Variants in FBN2 observed in about 807,000 individuals in gnomAD.
The protein encoded by FBN2 is fibrillin-2.
In FBN2, 105 loss-of-function variants were observed where a neutral mutation model predicts 355.6. The ratio of observed to expected loss-of-function variants is 0.30; its 90% CI spans 0.25 to 0.35. The LOEUF (loss-of-function observed/expected upper bound fraction) is 0.35, where lower values mean the gene tolerates loss of function less well. Among genes scored for constraint, FBN2 ranks in the 10% least tolerant of loss-of-function variants. The pLI, the probability that FBN2 is intolerant of heterozygous loss-of-function variation, is 1.00. For synonymous variants in FBN2, 1,350 were observed against 1,301.2 expected, an observed-to-expected ratio of 1.04 and a Z score of -0.81; for missense variants, 3,280 against 3,758.7, an observed-to-expected ratio of 0.87 and a Z score of 3.33.
rs1054561926 is a variant in FBN2, at chr5:128,332,784, T to C, written c.4222+128A>G. 10 of 949,240 alleles carry C rather than the reference T, an allele frequency of 1.1e-5. No homozygotes were observed. In the Admixed American group the frequency reaches 1.6e-4, roughly 15 times the overall value. The allele number at this position is 949,240 out of a possible 1,614,324, so 58.8% of individuals were successfully genotyped here. A position where few individuals can be genotyped will look rare whatever the true frequency, so the allele number is the denominator to read the frequency against. On this transcript the variant is annotated intron_variant, in intron 32 of 64. Coordinates refer to ENST00000262464, the MANE Select transcript of FBN2 (RefSeq NM_001999.4). Reference sequence around the variant, plus strand: ...AAAGGACACCCTTAGGCAGGAATTATCTTGCAACTAAGATAACCTTTTTAT... The same window carrying C: ...AAAGGACACCCTTAGGCAGGAATTACCTTGCAACTAAGATAACCTTTTTAT...
intron 21 of FBN2, 133 bp from the exon 22 acceptor site, chr5:128,350,138 C>T (rs1751307752): frequency 2.7e-6 from 2 of 741,950 alleles, no homozygotes; most frequent in Admixed American, 4.0e-5. Flanking sequence ...GGTCCAAGGA[C>T]ATCATTGTCC....
At chr5:128,266,298 A>C (rs1765112261) in intron 62 of FBN2, among the ~76,000 whole-genome samples, 1 of 152,222 alleles carries the variant, frequency 6.6e-6, no homozygotes, top group Non-Finnish European at 1.5e-5. Flanking sequence ...TCATTTTAGT[A>C]GAATAAGCTT....
intron 5 of FBN2, among the ~76,000 whole-genome samples, chr5:128,498,635 A>G (rs1052623438): frequency 1.3e-5 from 2 of 152,226 alleles, no homozygotes; most frequent in African/African-American, 2.4e-5. Context: ...AACTATACTT[A>G]TTTATAGCTT....
intron 46 of FBN2, among the ~76,000 whole-genome samples, chr5:128,302,473 T>G (rs972487184): frequency 6.6e-6 from 1 of 152,192 alleles, no homozygotes; most frequent in African/African-American, 2.4e-5. Flanking sequence ...TGAGGGCTTA[T>G]CTAGAAACCT....
chr5:128,478,177 G>T (rs775556348), intron 5 of FBN2, among the ~76,000 whole-genome samples: 223 of 152,146 alleles, frequency 1.5e-3, no homozygotes, highest in Non-Finnish European at 2.0e-3. Context: ...AAGTATTTTT[G>T]CAACGCTGAG....
chr5:128,315,776 C>T (rs1300830399), intron 36 of FBN2, among the ~76,000 whole-genome samples: 1 of 152,098 alleles, frequency 6.6e-6, no homozygotes, highest in Non-Finnish European at 1.5e-5. Context: ...TTCTTGTTAC[C>T]AAATATTGCG....
chr5:128,510,529 T>C (rs908995441), intron 5 of FBN2, among the ~76,000 whole-genome samples: 1 of 152,234 alleles, frequency 6.6e-6, no homozygotes, highest in African/African-American at 2.4e-5. Context: ...CTGTTCTGTG[T>C]TTTATTCTTT....
At chr5:128,267,345 G>C (rs1765143166) in intron 62 of FBN2, among the ~76,000 whole-genome samples, 1 of 152,168 alleles carries the variant, frequency 6.6e-6, no homozygotes, top group African/African-American at 2.4e-5. Flanking sequence ...CCAGTAATGG[G>C]ATTGCTGGGT....
At chr5:128,426,698 C>A (rs1349336280) in intron 7 of FBN2, among the ~76,000 whole-genome samples, 1 of 152,202 alleles carries the variant, frequency 6.6e-6, no homozygotes, top group Non-Finnish European at 1.5e-5. Flanking sequence ...CAGAAGCCCT[C>A]AGTAATGAAG....
Position 128,259,424 on chromosome 5 carries a change from G to T in FBN2, c.*31C>A. On this transcript the variant is annotated 3_prime_UTR_variant, in exon 65 of 65. Coordinates refer to ENST00000262464, the MANE Select transcript of FBN2 (RefSeq NM_001999.4). ...TGCTTCTGCAGACTGGCTGTGCTAG[G>T]ATTTGAGCCTGGGCCCAAGTCTGTG... 1.2e-6 allele frequency: 2 copies of T among 1,612,054 alleles called. No homozygotes were observed. Among genetic ancestry groups the T allele is most frequent in the Non-Finnish European group, 1.7e-6 (2 of 1,179,684 alleles).
chr5:128,330,706 C>A lies in FBN2; in HGVS notation c.4223-11G>T. The A allele has an allele frequency of 1.9e-6, 3 of 1,613,818 alleles. No individual in the cohort carries two copies. The highest frequency in any genetic ancestry group is 2.5e-6 in the Non-Finnish European group (3 of 1,179,770). ...AACATTCGTCCAGATCTGCAGAACA[C>A]AGCAATAAAGTTCAGAAATGAAAAT... On this transcript the variant is annotated splice_polypyrimidine_tract_variant and intron_variant, in intron 32 of 64. Transcript: ENST00000262464.
chr5:128,300,048 T>C (rs114780784), intron 48 of FBN2, among the ~76,000 whole-genome samples: 1,534 of 152,334 alleles, frequency 0.01, 20 homozygotes, highest in Middle Eastern at 0.048. Flanking sequence ...TTCTGCCCTA[T>C]TTAACTCCCT....
intron 45 of FBN2, among the ~76,000 whole-genome samples, chr5:128,303,429 C>A (rs1399620097): frequency 6.6e-6 from 1 of 152,122 alleles, no homozygotes. Context: ...AATACTGAAA[C>A]AATTTCTTTC....
At chr5:128,461,782 A>G (rs1754564703) in intron 6 of FBN2, among the ~76,000 whole-genome samples, 1 of 150,720 alleles carries the variant, frequency 6.6e-6, no homozygotes, top group Non-Finnish European at 1.5e-5. Flanking sequence ...GTTCTCACTC[A>G]TAAGTGAGAG....
chr5:128,288,827 C>T (rs918582720), intron 52 of FBN2, among the ~76,000 whole-genome samples: 2 of 152,206 alleles, frequency 1.3e-5, no homozygotes, highest in East Asian at 3.9e-4. Context: ...CAAGAGCAGG[C>T]ATGGAAGGGC....
At chr5:128,314,360 T>C (rs1750143503) in intron 36 of FBN2, among the ~76,000 whole-genome samples, 1 of 152,188 alleles carries the variant, frequency 6.6e-6, no homozygotes, top group South Asian at 2.1e-4. Context: ...GGAGTCTTCC[T>C]CTGTTGCCAA....
At chr5:128,468,477 C>A (rs758281229) in intron 5 of FBN2, among the ~76,000 whole-genome samples, 33 of 152,168 alleles carry the variant, frequency 2.2e-4, no homozygotes, top group Non-Finnish European at 2.5e-4. Context: ...GACAAATATA[C>A]ATTTAACTTT....
chr5:128,464,191 G>C (rs1561469576), intron 6 of FBN2, among the ~76,000 whole-genome samples: 1 of 152,174 alleles, frequency 6.6e-6, no homozygotes, highest in Non-Finnish European at 1.5e-5. Flanking sequence ...CAGTTAGGGA[G>C]TGTCAAAACC....
intron 5 of FBN2, among the ~76,000 whole-genome samples, chr5:128,502,789 T>G (rs1028410668): frequency 2.6e-5 from 4 of 152,078 alleles, no homozygotes; most frequent in Admixed American, 2.6e-4. Flanking sequence ...TTTAAAAAAT[T>G]TTGCACTAAT....
Sources: gnomAD v4.1 joint callset for allele counts (sites outside exome capture counted in the v4.1 genomes callset) on GRCh38, gnomAD v4.1.1 for gene constraint, MANE v1.5 for transcripts, NCBI Gene and HGNC (gene_info 2026-07-23, HGNC 2026-07-21) for gene names.